IQCJ: variants seen among roughly 807,000 people sequenced by gnomAD.
IQCJ encodes the protein IQ domain-containing protein J.
In IQCJ, 9 loss-of-function variants were observed where a neutral mutation model predicts 11.0. The observed-to-expected ratio is 0.82, with a 90% CI of 0.49 to 1.43. The LOEUF (loss-of-function observed/expected upper bound fraction) is 1.43. Among genes scored for constraint, IQCJ ranks in the 40% most tolerant of loss-of-function variants. The pLI is 0.00. For missense variants in IQCJ, 146 were observed against 133.2 expected, an observed-to-expected ratio of 1.10 and a Z score of -0.47; for synonymous variants, 55 against 51.3, an observed-to-expected ratio of 1.07 and a Z score of -0.31.
chr3:159,090,869 T>A (rs1353841859), intron 1 of IQCJ, among the ~76,000 whole-genome samples: 1 of 151,914 alleles, frequency 6.6e-6, no homozygotes, highest in African/African-American at 2.4e-5. Flanking sequence ...TGGTTTCATG[T>A]GGACATAACA....
intron 1 of IQCJ, among the ~76,000 whole-genome samples, chr3:159,084,202 T>C (rs1179439527): frequency 6.6e-6 from 1 of 151,878 alleles, no homozygotes; most frequent in Non-Finnish European, 1.5e-5. Flanking sequence ...TTCTCTATTA[T>C]TTCCTACAAC....
intron 1 of IQCJ, among the ~76,000 whole-genome samples, chr3:159,140,497 T>G (rs1244600894): frequency 6.6e-6 from 1 of 152,222 alleles, no homozygotes; most frequent in African/African-American, 2.4e-5. Flanking sequence ...GTACTATATG[T>G]AAAATATCAC....
intron 1 of IQCJ, among the ~76,000 whole-genome samples, chr3:159,178,373 T>C (rs1427239803): frequency 6.6e-6 from 1 of 152,190 alleles, no homozygotes; most frequent in Non-Finnish European, 1.5e-5. Context: ...GTGAATGACT[T>C]GTTACCCAGT....
intron 1 of IQCJ, among the ~76,000 whole-genome samples, chr3:159,170,901 G>A (rs1722451803): frequency 6.6e-6 from 1 of 152,022 alleles, no homozygotes. Flanking sequence ...TCCATTCCCA[G>A]CTAATTAAGG....
Position 159,210,467 on chromosome 3 carries a change from A to T in IQCJ, c.10-35376A>T, listed in dbSNP as rs916364355. Among the ~76,000 whole-genome samples, 4 of 152,214 alleles carry T rather than the reference A, an allele frequency of 2.6e-5. No homozygotes were observed. In the East Asian group the frequency reaches 7.7e-4, roughly 29 times the overall value. On this transcript the variant is annotated intron_variant, in intron 1 of 3. Transcript: ENST00000397832. ...GCCCCTGAAATGTGCTTGTTTTGAG[A>T]TTAAGTGTGTAATGGTAAGGAATGG...
chr3:159,113,839 T>C (rs1718786346), intron 1 of IQCJ, among the ~76,000 whole-genome samples: 2 of 151,712 alleles, frequency 1.3e-5, no homozygotes, highest in Admixed American at 6.6e-5. Context: ...ATGAATGATA[T>C]CATAATAAGA....
intron 1 of IQCJ, among the ~76,000 whole-genome samples, chr3:159,082,734 G>A (rs1716405485): frequency 6.6e-6 from 1 of 152,052 alleles, no homozygotes; most frequent in Non-Finnish European, 1.5e-5. Flanking sequence ...ACCCATCTAA[G>A]TTGTTTATGC....
intron 1 of IQCJ, among the ~76,000 whole-genome samples, chr3:159,078,701 C>T (rs1429345898): frequency 6.6e-6 from 1 of 151,898 alleles, no homozygotes; most frequent in Non-Finnish European, 1.5e-5. Context: ...GAACTTTCTC[C>T]CCAAAGTGAA....
chr3:159,240,907 A>T (rs1475961939), intron 1 of IQCJ, among the ~76,000 whole-genome samples: 3 of 152,112 alleles, frequency 2.0e-5, no homozygotes, highest in Admixed American at 6.5e-5. Flanking sequence ...CAGTGTTCTG[A>T]AAAAGACATT....
At chr3:159,184,233 T>C (rs1286765883) in intron 1 of IQCJ, among the ~76,000 whole-genome samples, 1 of 152,142 alleles carries the variant, frequency 6.6e-6, no homozygotes, top group African/African-American at 2.4e-5. Context: ...TAAGATACAC[T>C]TGTTTCTACC....
intron 1 of IQCJ, among the ~76,000 whole-genome samples, chr3:159,199,629 G>A (rs1577075804): frequency 6.6e-6 from 1 of 152,212 alleles, no homozygotes; most frequent in East Asian, 1.9e-4. Context: ...TCTCTATCTT[G>A]ATTAGATGGG....
At chr3:159,164,493 C>T (rs7616733) in intron 1 of IQCJ, among the ~76,000 whole-genome samples, 3,163 of 152,266 alleles carry the variant, frequency 0.021, 119 homozygotes, top group African/African-American at 0.073. Context: ...GCTCTCCAGG[C>T]GCGGTGGCTA....
chr3:159,212,558 A>G (rs1376669410), intron 1 of IQCJ, among the ~76,000 whole-genome samples: 2 of 152,330 alleles, frequency 1.3e-5, no homozygotes, highest in South Asian at 2.1e-4. Context: ...GCATCCTCCA[A>G]TAAGGCCCTG....
intron 1 of IQCJ, among the ~76,000 whole-genome samples, chr3:159,122,434 G>C (rs1050861278): frequency 6.6e-6 from 1 of 152,156 alleles, no homozygotes; most frequent in Non-Finnish European, 1.5e-5. Context: ...ACTGAGAAAT[G>C]CTCCTTAGAA....
rs938782582 is a variant in IQCJ at position 159,263,246 on chromosome 3, G to A, written c.*515G>A. On this transcript the variant is annotated 3_prime_UTR_variant, in exon 4 of 4. Coordinates refer to ENST00000397832, the MANE Select transcript of IQCJ (RefSeq NM_001042706.3). Reference sequence around the variant, plus strand: ...TCCTGACAATGTGACACCATGTGGCGATACAGGCAGGCATGGCCAAATGTG... The same window carrying A: ...TCCTGACAATGTGACACCATGTGGCAATACAGGCAGGCATGGCCAAATGTG... 5 of 317,588 alleles carry A rather than the reference G, an allele frequency of 1.6e-5. No homozygotes were observed. The highest frequency in any genetic ancestry group is 1.2e-4 in the South Asian group (1 of 8,148). 19.7% of individuals were successfully genotyped at this position (317,588 alleles called of 1,614,324 possible). A position where few individuals can be genotyped will look rare whatever the true frequency, so the allele number is the denominator to read the frequency against.
chr3:159,112,256 C>A lies in IQCJ; in HGVS notation c.9+42815C>A, dbSNP rs1337779090. 2.0e-5 allele frequency among the ~76,000 whole-genome samples: 3 copies of A among 152,104 alleles called. No individual in the cohort carries two copies. In the East Asian group the frequency reaches 5.8e-4, roughly 29 times the overall value. On this transcript the variant is annotated intron_variant, in intron 1 of 3. Coordinates refer to ENST00000397832, the MANE Select transcript of IQCJ (RefSeq NM_001042706.3). ...CATCTCTAAAATTTGAGTCAAGAAA[C>A]CCCAGAGATTTCTGCCATTTGTTTA...
chr3:159,252,986 T>A (rs142172092), intron 3 of IQCJ, among the ~76,000 whole-genome samples, 179 bp downstream of exon 3: 34 of 152,342 alleles, frequency 2.2e-4, no homozygotes, highest in African/African-American at 7.7e-4. Flanking sequence ...CACCATCTAC[T>A]GGGTAGTACA....
intron 1 of IQCJ, among the ~76,000 whole-genome samples, chr3:159,232,661 G>T (rs1346926956): frequency 1.3e-5 from 2 of 152,018 alleles, no homozygotes. Context: ...CAATTTTAGA[G>T]TAAGTGCTAT....
intron 1 of IQCJ, among the ~76,000 whole-genome samples, chr3:159,092,947 A>G (rs1354106932): frequency 2.0e-5 from 3 of 151,718 alleles, no homozygotes; most frequent in Non-Finnish European, 4.4e-5. Flanking sequence ...TTATGAGCTG[A>G]TAAAATTGGT....
Sources: allele counts gnomAD v4.1 joint callset (sites outside exome capture counted in the v4.1 genomes callset), GRCh38; gene constraint gnomAD v4.1.1; transcripts MANE v1.5; gene names NCBI Gene and HGNC (gene_info 2026-07-23, HGNC 2026-07-21).